Variants in PLA2G4A observed in about 807,000 individuals in gnomAD.
The protein encoded by PLA2G4A is phospholipase A2 group IVA.
In PLA2G4A, 40 loss-of-function variants were observed where a neutral mutation model predicts 81.9. The ratio of observed to expected loss-of-function variants is 0.49; its 90% confidence interval spans 0.38 to 0.64. PLA2G4A has a LOEUF of 0.64. Among genes scored for constraint, PLA2G4A ranks in the 30% least tolerant of loss-of-function variants. The pLI is 0.00. For missense variants in PLA2G4A, 715 were observed against 905.1 expected (o/e 0.79, Z 2.69); for synonymous variants, 302 against 296.9 (o/e 1.02, Z -0.18).
intron 1 of PLA2G4A, among the ~76,000 whole-genome samples, chr1:186,853,836 T>A (rs1390557922): frequency 6.6e-6 from 1 of 151,982 alleles, no homozygotes; most frequent in Admixed American, 6.6e-5. Flanking sequence ...TCAACATGAA[T>A]GTACTTTTAT....
chr1:186,946,934 A>C lies in PLA2G4A; in HGVS notation c.1237A>C (p.Arg413=), dbSNP rs769404329. The change falls in exon 12 of 18, where the codon AGA becomes CGA. Residue 413 remains arginine (R), a synonymous_variant. Coordinates refer to ENST00000367466, the MANE Select transcript of PLA2G4A (RefSeq NM_024420.3). ...RVLGVSGSQS[R]GSTMEEELEN... ...TTTGGGCGTTTCTGGTTCACAAAGCAGAGGCTCCACAATGGAGGAAGAATT... is the reference window on the plus strand; with the variant it reads ...TTTGGGCGTTTCTGGTTCACAAAGCCGAGGCTCCACAATGGAGGAAGAATT... 1.9e-6 allele frequency: 3 copies of C among 1,608,776 alleles called. No individual in the cohort carries two copies. Among genetic ancestry groups the C allele is most frequent in the Non-Finnish European group, 2.6e-6 (3 of 1,175,234 alleles).
chr1:186,837,987 C>T (rs1348529718), intron 1 of PLA2G4A, among the ~76,000 whole-genome samples: 1 of 152,032 alleles, frequency 6.6e-6, no homozygotes, highest in Non-Finnish European at 1.5e-5. Context: ...AGATGAGAAA[C>T]TTCCCTCTGG....
At chr1:186,907,320 C>T (rs1481747016) in intron 6 of PLA2G4A, among the ~76,000 whole-genome samples, 1 of 152,106 alleles carries the variant, frequency 6.6e-6, no homozygotes, top group Non-Finnish European at 1.5e-5. Flanking sequence ...GAAATGAATG[C>T]AGTTATTTAA....
At chr1:186,937,046 T>G (rs1369642349) in intron 8 of PLA2G4A, among the ~76,000 whole-genome samples, 1 of 151,592 alleles carries the variant, frequency 6.6e-6, no homozygotes, top group Non-Finnish European at 1.5e-5. Flanking sequence ...TTTTTTATTT[T>G]TTGAGATAAT....
chr1:186,934,362 G>T (rs1343737727), intron 8 of PLA2G4A, among the ~76,000 whole-genome samples: 1 of 149,706 alleles, frequency 6.7e-6, no homozygotes, highest in African/African-American at 2.4e-5. Flanking sequence ...TTTGGTTATA[G>T]ATTTGGTGCA....
chr1:186,906,771 A>C (rs1654752561), intron 5 of PLA2G4A, among the ~76,000 whole-genome samples, 194 bp from the exon 6 acceptor site: 2 of 152,254 alleles, frequency 1.3e-5, no homozygotes, highest in African/African-American at 4.8e-5. Flanking sequence ...CTTACAAAAA[A>C]AATACCAAAA....
intron 13 of PLA2G4A, among the ~76,000 whole-genome samples, chr1:186,954,975 C>T (rs1427783117): frequency 6.6e-5 from 10 of 152,104 alleles, no homozygotes; most frequent in Non-Finnish European, 1.5e-4. Flanking sequence ...ACAGTTAATT[C>T]TCACAACTTT....
chr1:186,972,903 C>T (rs535335927), intron 15 of PLA2G4A, among the ~76,000 whole-genome samples: 27 of 152,224 alleles, frequency 1.8e-4, no homozygotes, highest in African/African-American at 6.5e-4. Context: ...CCACAATCAC[C>T]TGATTTATTT....
At chr1:186,972,923 A>G (rs1657405360) in intron 15 of PLA2G4A, among the ~76,000 whole-genome samples, 1 of 152,192 alleles carries the variant, frequency 6.6e-6, no homozygotes, top group African/African-American at 2.4e-5. Flanking sequence ...TGTTGAAACG[A>G]GGGCATGACC....
At chr1:186,931,409 C>T (rs1418097006) in intron 7 of PLA2G4A, among the ~76,000 whole-genome samples, 11 of 152,026 alleles carry the variant, frequency 7.2e-5, no homozygotes, top group African/African-American at 2.4e-4. Context: ...TAGAGTACAG[C>T]TCTGGGTTAG....
chr1:186,844,156 C>T (rs1200752205), intron 1 of PLA2G4A, among the ~76,000 whole-genome samples: 1 of 152,164 alleles, frequency 6.6e-6, no homozygotes, highest in South Asian at 2.1e-4. Context: ...CATGCTGTTA[C>T]ATTTCCTTGG....
chr1:186,843,710 G>A (rs1652069446), intron 1 of PLA2G4A, among the ~76,000 whole-genome samples: 1 of 152,222 alleles, frequency 6.6e-6, no homozygotes, highest in Admixed American at 6.5e-5. Context: ...GGTAAGGAAA[G>A]CACCAGTTGA....
intron 2 of PLA2G4A, among the ~76,000 whole-genome samples, chr1:186,864,826 C>G (rs1383267069): frequency 6.6e-6 from 1 of 151,242 alleles, no homozygotes. Flanking sequence ...GGTGTGGTGG[C>G]TCATGCCTGT....
intron 2 of PLA2G4A, among the ~76,000 whole-genome samples, chr1:186,857,789 T>C (rs2102034996): frequency 6.6e-6 from 1 of 151,946 alleles, no homozygotes; most frequent in South Asian, 2.1e-4. Flanking sequence ...TGTGTGATGT[T>C]CCCCGCTCTG....
At chr1:186,979,050 C>G (rs1336974117) in intron 16 of PLA2G4A, among the ~76,000 whole-genome samples, 4 of 152,196 alleles carry the variant, frequency 2.6e-5, no homozygotes, top group African/African-American at 4.8e-5. Context: ...AACAGAATTT[C>G]CAGCCTGCTG....
Position 186,979,463 on chromosome 1 carries a change from C to T in PLA2G4A, c.2109C>T (p.Asn703=). ...ATCTTATGCACTTCAATACTCTGAA[C>T]AACATTGATGTAAGTATCTCCTATG... ...LHDLMHFNTL[N]NIDVIKEAMV... Residue 703 remains asparagine (N), a synonymous_variant, in exon 17 of 18, where the codon AAC becomes AAT. Coordinates refer to ENST00000367466, the MANE Select transcript of PLA2G4A (RefSeq NM_024420.3). 1 of 1,590,426 alleles carries T rather than the reference C, an allele frequency of 6.3e-7. No homozygotes were observed. The highest frequency in any genetic ancestry group is 8.6e-7 in the Non-Finnish European group (1 of 1,158,466).
intron 8 of PLA2G4A, among the ~76,000 whole-genome samples, chr1:186,934,131 T>G (rs1272853045): frequency 6.6e-6 from 1 of 152,094 alleles, no homozygotes; most frequent in Admixed American, 6.6e-5. Flanking sequence ...TAGAAAATCT[T>G]GGACCCTTAC....
At chr1:186,863,202 T>C (rs1348201607) in intron 2 of PLA2G4A, among the ~76,000 whole-genome samples, 1 of 152,198 alleles carries the variant, frequency 6.6e-6, no homozygotes, top group African/African-American at 2.4e-5. Context: ...CTCAGGTAGC[T>C]GTAACTACAG....
rs184177663 is a variant in PLA2G4A at position 186,983,686 on chromosome 1, A to G, written c.2118+4214A>G. 2.1e-4 allele frequency among the ~76,000 whole-genome samples: 30 copies of G among 144,938 alleles called. No individual in the cohort carries two copies. The East Asian group carries it at 5.7e-3, about 28-fold the overall frequency. ...GTCTCAATGCTTGTACAATTACAGT[A>G]GTATTTCAATTTTTTTTCCTTCAAA... is the stretch of plus-strand genomic sequence containing the variant. On this transcript the variant is annotated intron_variant, in intron 17 of 17. Transcript: ENST00000367466.
Sources: allele counts gnomAD v4.1 joint callset (sites outside exome capture counted in the v4.1 genomes callset), GRCh38; gene constraint gnomAD v4.1.1; transcripts MANE v1.5; gene names NCBI Gene and HGNC (gene_info 2026-07-23, HGNC 2026-07-21).